CRTC1: variants seen among roughly 807,000 people sequenced by gnomAD.
CRTC1 encodes the protein CREB regulated transcription coactivator 1.
CRTC1 carries 18 observed loss-of-function variants against 66.1 expected under a neutral mutation model. That is an observed-to-expected ratio of 0.27 (90% confidence interval 0.19 to 0.40). The LOEUF is 0.40. Among genes scored for constraint, CRTC1 ranks in the 10% least tolerant of loss-of-function variants. The probability of loss-of-function intolerance (pLI) is 1.00; values close to 1 mark genes in which losing one functional copy is unlikely to be tolerated. For synonymous variants in CRTC1, 416 were observed against 398.8 expected (o/e 1.04, Z -0.51); for missense variants, 669 against 887.9 (o/e 0.75, Z 3.13).
intron 1 of CRTC1, among the ~76,000 whole-genome samples, chr19:18,715,043 T>C (rs1169350104): frequency 3.9e-5 from 6 of 152,222 alleles, no homozygotes; most frequent in African/African-American, 1.4e-4. Flanking sequence ...ATGTATACTC[T>C]CCCAGCTCTG....
intron 1 of CRTC1, among the ~76,000 whole-genome samples, chr19:18,684,328 G>T (rs139281231): frequency 3.9e-5 from 6 of 151,974 alleles, no homozygotes; most frequent in Non-Finnish European, 8.8e-5. Context: ...AAGTGCCCCC[G>T]CATCCTTGCT....
At chr19:18,755,421 A>C (rs541211785) in intron 6 of CRTC1, among the ~76,000 whole-genome samples, 209 of 148,834 alleles carry the variant, frequency 1.4e-3, no homozygotes, top group Non-Finnish European at 2.5e-3. Context: ...ACCATGCCTG[A>C]CAAATTTTTG....
At position 18,775,112 on chromosome 19, in the gene CRTC1, G is replaced by C. The variant is rs2054956313; in HGVS notation, c.1512+126G>C. 8 of 936,672 alleles carry C rather than the reference G, an allele frequency of 8.5e-6. No homozygotes were observed. The South Asian group carries it at 1.2e-4, about 14-fold the overall frequency. The allele number at this position is 936,672 out of a possible 1,614,324, so 58.0% of individuals were successfully genotyped here. On this transcript the variant is annotated intron_variant, in intron 12 of 13. Transcript: ENST00000321949. Reference sequence around the variant, plus strand: ...TCGGGGGGCCCGTGCCTGCCCCTCAGCTTTGCCCCTCGGCCCCCGCCCCGT... The same window carrying C: ...TCGGGGGGCCCGTGCCTGCCCCTCACCTTTGCCCCTCGGCCCCCGCCCCGT...
intron 1 of CRTC1, among the ~76,000 whole-genome samples, chr19:18,687,575 G>A (rs971276716): frequency 7.2e-5 from 11 of 152,116 alleles, no homozygotes; most frequent in Admixed American, 2.6e-4. Context: ...CAGCCATGGC[G>A]CGCTGCCTCC....
intron 6 of CRTC1, among the ~76,000 whole-genome samples, chr19:18,756,348 A>AC (rs1185073037): frequency 2.0e-5 from 3 of 150,538 alleles, no homozygotes; most frequent in Non-Finnish European, 4.4e-5. Context: ...AAAAAAAAAA[A>AC]AAAAAAACTC....
At chr19:18,683,849 G>A in intron 1 of CRTC1, 21 bp downstream of exon 1, 11 of 1,208,434 alleles carry the variant, frequency 9.1e-6, no homozygotes, top group Non-Finnish European at 1.2e-5. Context: ...TGCCCGCGCC[G>A]ACCCTTCAGG....
chr19:18,752,147 CAAA>C (rs35618318), intron 5 of CRTC1, among the ~76,000 whole-genome samples: 55 of 90,608 alleles, frequency 6.1e-4, no homozygotes, highest in Admixed American at 8.9e-4. Flanking sequence ...AAGACTGTCT[CAAA>C]AAAAAAAAAA....
At chr19:18,696,668 T>A (rs2052995968) in intron 1 of CRTC1, among the ~76,000 whole-genome samples, 1 of 152,028 alleles carries the variant, frequency 6.6e-6, no homozygotes. Flanking sequence ...TGTCCCTGGT[T>A]TTTCTCAACC....
intron 2 of CRTC1, 33 bp from the exon 3 acceptor site, chr19:18,745,788 TTC>T (rs757495176): frequency 5.6e-6 from 9 of 1,612,406 alleles, no homozygotes; most frequent in South Asian, 1.1e-5. Context: ...TTGTTTGGAT[TTC>T]TCTCTCTCTG....
chr19:18,730,975 TTC>T (rs1369432105), intron 1 of CRTC1, among the ~76,000 whole-genome samples: 2 of 151,512 alleles, frequency 1.3e-5, no homozygotes, highest in African/African-American at 2.4e-5. Flanking sequence ...CCTTCCCTCC[TTC>T]CCTCCTTCCC....
At chr19:18,709,752 C>T (rs544153197) in intron 1 of CRTC1, among the ~76,000 whole-genome samples, 1 of 152,308 alleles carries the variant, frequency 6.6e-6, no homozygotes, top group Admixed American at 6.5e-5. Flanking sequence ...CAGCCAGGAT[C>T]AGGAGCCCTA....
intron 9 of CRTC1, among the ~76,000 whole-genome samples, chr19:18,766,369 C>A (rs1169266816): frequency 1.3e-5 from 2 of 148,438 alleles, no homozygotes; most frequent in African/African-American, 2.5e-5. Context: ...GAACTCCTGA[C>A]TTCAAGTGAT....
chr19:18,702,362 G>A lies in CRTC1; in HGVS notation c.126+18534G>A, dbSNP rs1369990020. 2.0e-5 allele frequency among the ~76,000 whole-genome samples: 3 copies of A among 151,754 alleles called. No homozygotes were observed. In the East Asian group the frequency reaches 5.8e-4, roughly 29 times the overall value. ...AGCCGCCTGAGTAGCTGAGACCATA[G>A]GTGTGTACCACCACAGCTGGCTAAT... On this transcript the variant is annotated intron_variant, in intron 1 of 13. Transcript: ENST00000321949.
chr19:18,775,058 C>T (rs1601023206), intron 12 of CRTC1, 72 bp downstream of exon 12: 18 of 1,470,636 alleles, frequency 1.2e-5, no homozygotes, highest in Middle Eastern at 2.4e-4. Context: ...CGCTGGGACC[C>T]GGGCCTTGCG....
At chr19:18,737,739 G>C (rs1016519582) in intron 1 of CRTC1, among the ~76,000 whole-genome samples, 7 of 149,842 alleles carry the variant, frequency 4.7e-5, no homozygotes, top group African/African-American at 9.9e-5. Flanking sequence ...TCCTGCTGCT[G>C]CTCCTCCTCC....
rs2054580629 is a variant in CRTC1 at position 18,760,091 on chromosome 19, C to G, written c.749C>G (p.Thr250Ser). The G allele has an allele frequency of 6.2e-7, 1 of 1,613,804 alleles. No individual in the cohort carries two copies. The highest frequency in any genetic ancestry group is 1.3e-5 in the African/African-American group (1 of 74,896). Residue 250 changes from threonine to serine, a missense_variant, in exon 8 of 14, where the codon ACC (threonine) becomes AGC (serine). Physicochemically the swap from Thr to Ser is moderately conservative, Grantham distance 58. Transcript: ENST00000321949. The surrounding 1 kb of genome is among the most constrained non-coding windows in gnomAD (Gnocchi z 6.2). Reference sequence around the variant, plus strand: ...ACAGGGGGGTCCCTGCCCGACCTGACCAACATCCACTTCCCCTCCCCGCTC... The same window carrying G: ...ACAGGGGGGTCCCTGCCCGACCTGAGCAACATCCACTTCCCCTCCCCGCTC... ...HNTGGSLPDL[T>S]NIHFPSPLPT...
At chr19:18,730,412 G>A (rs2053859886) in intron 1 of CRTC1, among the ~76,000 whole-genome samples, 1 of 152,016 alleles carries the variant, frequency 6.6e-6, no homozygotes, top group African/African-American at 2.4e-5. Context: ...ACATTCACAG[G>A]GCCTTCCGGG....
chr19:18,716,249 G>A (rs1288279552), intron 1 of CRTC1, among the ~76,000 whole-genome samples: 4 of 151,410 alleles, frequency 2.6e-5, no homozygotes, highest in Admixed American at 6.6e-5. Context: ...TGTGGCTCCC[G>A]AATGACTCTT....
intron 1 of CRTC1, among the ~76,000 whole-genome samples, chr19:18,691,191 CAAAAAAA>C (rs35591757): frequency 8.4e-6 from 1 of 118,694 alleles, no homozygotes; most frequent in African/African-American, 3.1e-5. Flanking sequence ...GATCCTGTCT[CAAAAAAA>C]AAAAAAAGAA....
Sources: gnomAD v4.1 joint callset for allele counts (sites outside exome capture counted in the v4.1 genomes callset) on GRCh38, gnomAD v4.1.1 for gene constraint, Gnocchi (gnomAD v3.1) non-coding constraint, MANE v1.5 for transcripts, NCBI Gene and HGNC (gene_info 2026-07-23, HGNC 2026-07-21) for gene names.